PXDNL: variants seen among roughly 807,000 people sequenced by gnomAD.
PXDNL encodes probable oxidoreductase PXDNL.
PXDNL carries 145 observed loss-of-function variants against 150.8 expected under a neutral mutation model. The observed-to-expected ratio is 0.96, with a 90% CI of 0.84 to 1.10. The LOEUF (loss-of-function observed/expected upper bound fraction) is 1.10, where lower values mean the gene tolerates loss of function less well. PXDNL is among the 50% of genes least tolerant of loss of function. PXDNL has a pLI of 0.00. For missense variants in PXDNL, 2,087 were observed against 1,873.9 expected (o/e 1.11, Z -2.10); for synonymous variants, 757 against 725.7 (o/e 1.04, Z -0.69).
At chr8:51,498,331 A>T (rs1322731364) in intron 5 of PXDNL, among the ~76,000 whole-genome samples, 2 of 151,784 alleles carry the variant, frequency 1.3e-5, no homozygotes, top group Admixed American at 6.6e-5. Flanking sequence ...ACCTAATGTT[A>T]AATAATGACT....
At chr8:51,548,374 C>T (rs1462069104) in intron 4 of PXDNL, among the ~76,000 whole-genome samples, 1 of 152,118 alleles carries the variant, frequency 6.6e-6, no homozygotes, top group Non-Finnish European at 1.5e-5. Flanking sequence ...AGATCATCAC[C>T]TAGCCACATA....
chr8:51,549,940 T>A (rs1478203754), intron 4 of PXDNL, among the ~76,000 whole-genome samples: 1 of 151,936 alleles, frequency 6.6e-6, no homozygotes, highest in Non-Finnish European at 1.5e-5. Context: ...ATTAGTGAGA[T>A]TAACCAAGAA....
At chr8:51,558,761 T>C (rs1812649874) in intron 3 of PXDNL, among the ~76,000 whole-genome samples, 1 of 152,060 alleles carries the variant, frequency 6.6e-6, no homozygotes, top group Non-Finnish European at 1.5e-5. Flanking sequence ...CACAAATTGA[T>C]TAAATCAGTA....
intron 1 of PXDNL, among the ~76,000 whole-genome samples, chr8:51,785,942 ACT>A (rs1305499990): frequency 6.6e-6 from 1 of 152,156 alleles, no homozygotes; most frequent in East Asian, 1.9e-4. Flanking sequence ...CAAAGCCCTC[ACT>A]CTCTTCAATT....
At chr8:51,644,059 T>C (rs989153007) in intron 2 of PXDNL, among the ~76,000 whole-genome samples, 3 of 151,546 alleles carry the variant, frequency 2.0e-5, no homozygotes, top group Non-Finnish European at 2.9e-5. Context: ...GGCAGGAGAA[T>C]GGCGTGAACC....
At chr8:51,713,699 A>G (rs1816546693) in intron 1 of PXDNL, among the ~76,000 whole-genome samples, 1 of 152,244 alleles carries the variant, frequency 6.6e-6, no homozygotes, top group Admixed American at 6.5e-5. Flanking sequence ...AAAAAATTCA[A>G]TGAAGAAATA....
chr8:51,735,547 T>TG (rs1563304334), intron 1 of PXDNL, among the ~76,000 whole-genome samples: 2,458 of 121,526 alleles, frequency 0.02, 126 homozygotes, highest in African/African-American at 0.075. Flanking sequence ...TTTTTTTTTT[T>TG]TTTTTTTTTT....
chr8:51,396,118 C>T (rs756613100), intron 17 of PXDNL, among the ~76,000 whole-genome samples: 30 of 152,306 alleles, frequency 2.0e-4, no homozygotes, highest in Admixed American at 3.9e-4. Context: ...CAGCAGGGAA[C>T]GCAGCTTCAG....
chr8:51,408,523 C>T lies in PXDNL; in HGVS notation c.3101G>A (p.Arg1034Gln), dbSNP rs746360964. The change falls in exon 17 of 23, where the codon CGA (arginine) becomes CAA (glutamine). Residue 1034 changes from arginine to glutamine, a missense_variant. Coordinates refer to ENST00000356297, the MANE Select transcript of PXDNL (RefSeq NM_144651.5). ...DPGTRMLRGYRGYNPNVNAGI... is the reference protein window; with the variant it reads ...DPGTRMLRGYQGYNPNVNAGI... ...TGCATTCACGTTGGGGTTGTAGCCTCGGTAACCCCTCAGCATCCTAGTGCC... is the reference window on the plus strand; with the variant it reads ...TGCATTCACGTTGGGGTTGTAGCCTTGGTAACCCCTCAGCATCCTAGTGCC... 1.1e-5 allele frequency: 17 copies of T among 1,612,968 alleles called. No homozygotes were observed. Among genetic ancestry groups the T allele is most frequent in the East Asian group, 2.2e-5 (1 of 44,858 alleles).
At chr8:51,643,942 C>G (rs1321849518) in intron 2 of PXDNL, among the ~76,000 whole-genome samples, 1 of 151,928 alleles carries the variant, frequency 6.6e-6, no homozygotes, top group Non-Finnish European at 1.5e-5. Flanking sequence ...TGAAAAAATG[C>G]TCATCATCAC....
chr8:51,692,173 C>T (rs552390537), intron 1 of PXDNL, among the ~76,000 whole-genome samples: 2 of 152,172 alleles, frequency 1.3e-5, no homozygotes, highest in Non-Finnish European at 2.9e-5. Flanking sequence ...TTCTTTCTGT[C>T]AACGTGTGCT....
intron 13 of PXDNL, among the ~76,000 whole-genome samples, chr8:51,424,816 G>C (rs1354492622): frequency 2.0e-5 from 3 of 152,140 alleles, no homozygotes; most frequent in Non-Finnish European, 4.4e-5. Context: ...GTGTAACCAT[G>C]AACGTTTAGA....
chr8:51,787,262 C>CT (rs2037468911), intron 1 of PXDNL, among the ~76,000 whole-genome samples: 1 of 152,216 alleles, frequency 6.6e-6, no homozygotes, highest in Admixed American at 6.5e-5. Context: ...GTAATTTTGA[C>CT]TTTCAAGTCT....
Position 51,556,905 on chromosome 8 carries a change from C to T in PXDNL, c.315G>A (p.Leu105=). The part of the protein sequence containing the change: ...EGLENLLYLY[L]YKNEIHALDK... Reference sequence around the variant, plus strand: ...CTAGTGCATGGATTTCATTCTTATACAGGTACCTGGAAAATATATAGAATG... The same window carrying T: ...CTAGTGCATGGATTTCATTCTTATATAGGTACCTGGAAAATATATAGAATG... Residue 105 remains leucine, a synonymous_variant, in exon 4 of 23, where the codon CTG becomes CTA. Transcript: ENST00000356297. The T allele has an allele frequency of 6.5e-7, 1 of 1,541,454 alleles. No homozygotes were observed. Among genetic ancestry groups the T allele is most frequent in the Non-Finnish European group, 9.0e-7 (1 of 1,114,846 alleles).
intron 1 of PXDNL, among the ~76,000 whole-genome samples, chr8:51,700,589 TATACACA>T: frequency 6.7e-6 from 1 of 149,132 alleles, no homozygotes; most frequent in African/African-American, 2.5e-5. Context: ...TATACACACA[TATACACA>T]CATACAGACA....
chr8:51,408,781 T>C lies in PXDNL; in HGVS notation c.2843A>G (p.Glu948Gly). ...TGPPTECARQEQESPCFLAGD... is the reference protein window; with the variant it reads ...TGPPTECARQGQESPCFLAGD... ...GGCCAGGAAACAGGGGCTCTCCTGC[T>C]CCTGTCGCGCGCACTCGGTGGGTGG... Residue 948 changes from glutamate (E) to glycine (G), a missense_variant, in exon 17 of 23, where the codon GAG becomes GGG. Coordinates refer to ENST00000356297, the MANE Select transcript of PXDNL (RefSeq NM_144651.5). 1 of 1,578,524 alleles carries C rather than the reference T, an allele frequency of 6.3e-7. No individual in the cohort carries two copies. The highest frequency in any genetic ancestry group is 8.6e-7 in the Non-Finnish European group (1 of 1,163,060).
At chr8:51,706,213 A>C (rs906759058) in intron 1 of PXDNL, among the ~76,000 whole-genome samples, 1 of 152,118 alleles carries the variant, frequency 6.6e-6, no homozygotes, top group Non-Finnish European at 1.5e-5. Context: ...CGGGAGACTG[A>C]GGCATGAAAA....
intron 5 of PXDNL, among the ~76,000 whole-genome samples, chr8:51,487,755 C>T (rs1810798216): frequency 6.6e-6 from 1 of 152,142 alleles, no homozygotes; most frequent in African/African-American, 2.4e-5. Flanking sequence ...ATCAATCCTT[C>T]TTTTAATAGA....
At chr8:51,339,406 G>A (rs1805924097) in intron 21 of PXDNL, among the ~76,000 whole-genome samples, 1 of 152,160 alleles carries the variant, frequency 6.6e-6, no homozygotes, top group African/African-American at 2.4e-5. Flanking sequence ...GCTCCAGTGA[G>A]CCAGAATTGT....
Sources: allele counts gnomAD v4.1 joint callset (sites outside exome capture counted in the v4.1 genomes callset), GRCh38; gene constraint gnomAD v4.1.1; transcripts MANE v1.5; gene names NCBI Gene and HGNC (gene_info 2026-07-23, HGNC 2026-07-21).